TENM3: variants seen among roughly 807,000 people sequenced by gnomAD.
TENM3 encodes teneurin transmembrane protein 3, also known as teneurin-3.
Under a neutral mutation model 255.1 loss-of-function variants are expected in TENM3, and 63 were observed. That is an observed-to-expected ratio of 0.25 (90% CI 0.20 to 0.30). The LOEUF is 0.30. TENM3 is among the 10% of genes least tolerant of loss of function. TENM3 has a pLI of 1.00. For synonymous variants in TENM3, 1,306 were observed against 1,322.3 expected (o/e 0.99, Z 0.27); for missense variants, 2,929 against 3,461.1 (o/e 0.85, Z 3.86).
At chr4:182,781,011 A>G (rs1561243819) in intron 24 of TENM3, among the ~76,000 whole-genome samples, 2 of 151,252 alleles carry the variant, frequency 1.3e-5, no homozygotes, top group East Asian at 2.0e-4. Flanking sequence ...AACAGGGACA[A>G]TTTGACTTCC....
At chr4:181,948,732 C>T in the TENM3 span, among the ~76,000 whole-genome samples, 1 of 152,050 alleles carries the variant, frequency 6.6e-6, no homozygotes, top group Non-Finnish European at 1.5e-5. Context: ...TTATGAAAGC[C>T]TTTGTCTGAA....
intron 3 of TENM3, among the ~76,000 whole-genome samples, chr4:182,544,323 ATTTTTTTTTTTTT>A (rs35639483): frequency 1.4e-5 from 1 of 69,286 alleles, no homozygotes; most frequent in East Asian, 5.4e-4. Context: ...AGCATTGTGG[ATTTTTTTTTTTTT>A]TTTTTTTTTT....
chr4:181,656,177 A>C, the TENM3 span, among the ~76,000 whole-genome samples: 650 of 152,262 alleles, frequency 4.3e-3, 5 homozygotes, highest in Admixed American at 6.8e-3. Flanking sequence ...CATTAATCAG[A>C]ACCCAGGCTT....
the TENM3 span, among the ~76,000 whole-genome samples, chr4:181,792,289 T>G: frequency 5.9e-5 from 9 of 152,330 alleles, 1 homozygote; most frequent in African/African-American, 1.7e-4. Flanking sequence ...ATAAACATTC[T>G]TGTGTATTTT....
At chr4:182,620,453 A>G (rs901523287) in intron 4 of TENM3, among the ~76,000 whole-genome samples, 1 of 152,178 alleles carries the variant, frequency 6.6e-6, no homozygotes, top group Non-Finnish European at 1.5e-5. Context: ...CCCAAAACTA[A>G]CAGAGTCCTG....
At chr4:182,045,693 C>T in the TENM3 span, among the ~76,000 whole-genome samples, 1 of 152,186 alleles carries the variant, frequency 6.6e-6, no homozygotes, top group African/African-American at 2.4e-5. Context: ...ATAAAAAGCA[C>T]TACTCTGAAG....
chr4:182,272,007 T>C (rs903680661), intron 1 of TENM3, among the ~76,000 whole-genome samples: 4 of 152,170 alleles, frequency 2.6e-5, no homozygotes, highest in Non-Finnish European at 4.4e-5. Context: ...TGATTAGATG[T>C]GGTTTGTCTC....
chr4:181,757,462 G>T, the TENM3 span, among the ~76,000 whole-genome samples: 1 of 152,114 alleles, frequency 6.6e-6, no homozygotes, highest in Non-Finnish European at 1.5e-5. Context: ...AATCGTCAGG[G>T]TGCTGGATGT....
At chr4:181,481,577 C>A in the TENM3 span, among the ~76,000 whole-genome samples, 173 of 152,298 alleles carry the variant, frequency 1.1e-3, no homozygotes, top group African/African-American at 4.1e-3. Flanking sequence ...TACAGTGATG[C>A]AACTAAGGCC....
intron 3 of TENM3, chr4:182,449,146 G>C (rs1773221115): frequency 5.1e-6 from 1 of 194,830 alleles, no homozygotes. Flanking sequence ...CTCCCGGTGA[G>C]GCTCCCCGCG....
the TENM3 span, among the ~76,000 whole-genome samples, chr4:181,456,754 A>G: frequency 6.6e-6 from 1 of 151,990 alleles, no homozygotes; most frequent in Non-Finnish European, 1.5e-5. Flanking sequence ...TCTGTTTACA[A>G]TATTTTAGAA....
the TENM3 span, among the ~76,000 whole-genome samples, chr4:181,620,859 T>A: frequency 6.6e-6 from 1 of 152,152 alleles, no homozygotes; most frequent in Non-Finnish European, 1.5e-5. Context: ...ATTTTACTGA[T>A]TTCTCAAATA....
chr4:182,396,653 T>C (rs1246970979), intron 3 of TENM3, among the ~76,000 whole-genome samples: 1 of 152,150 alleles, frequency 6.6e-6, no homozygotes, highest in African/African-American at 2.4e-5. Context: ...CCAGGTTGGG[T>C]TGGATTATAT....
chr4:181,864,408 G>A, the TENM3 span, among the ~76,000 whole-genome samples: 1 of 151,952 alleles, frequency 6.6e-6, no homozygotes, highest in African/African-American at 2.4e-5. Context: ...AATGGCTACA[G>A]ACTTGAATAA....
chr4:181,910,630 A>ATG, the TENM3 span, among the ~76,000 whole-genome samples: 907 of 93,794 alleles, frequency 9.7e-3, 2 homozygotes, highest in Middle Eastern at 0.025. Flanking sequence ...GTGTGTGTGT[A>ATG]TGTGTGTGTG....
the TENM3 span, among the ~76,000 whole-genome samples, chr4:181,674,870 A>G: frequency 0.092 from 13,983 of 152,178 alleles, 728 homozygotes; most frequent in Middle Eastern, 0.17. Flanking sequence ...TATGTATTGC[A>G]TAGTGATCAA....
the TENM3 span, among the ~76,000 whole-genome samples, chr4:181,566,800 C>G: frequency 6.6e-6 from 1 of 152,218 alleles, no homozygotes. Flanking sequence ...CCAACTCTCT[C>G]TTAGCTAATT....
the TENM3 span, among the ~76,000 whole-genome samples, chr4:181,630,151 G>A: frequency 2.6e-5 from 4 of 152,160 alleles, no homozygotes; most frequent in Admixed American, 6.5e-5. Context: ...GTCTCTGATG[G>A]TAGCTTGTAT....
chr4:181,502,245 C>G, the TENM3 span, among the ~76,000 whole-genome samples: 17 of 152,196 alleles, frequency 1.1e-4, no homozygotes, highest in South Asian at 2.7e-3. Flanking sequence ...AAGAGTGAAC[C>G]CAATGTAAAC....
Sources: gnomAD v4.1 joint callset for allele counts (sites outside exome capture counted in the v4.1 genomes callset) on GRCh38, gnomAD v4.1.1 for gene constraint, MANE v1.5 for transcripts, NCBI Gene and HGNC (gene_info 2026-07-23, HGNC 2026-07-21) for gene names.